Variants in CD99L2 observed in about 807,000 individuals in gnomAD.
CD99L2 encodes the protein CD99 molecule like 2.
In CD99L2, 24 loss-of-function variants were observed where a neutral mutation model predicts 27.3. The ratio of observed to expected loss-of-function variants is 0.88; its 90% CI spans 0.64 to 1.24. The LOEUF (loss-of-function observed/expected upper bound fraction) is 1.24, where lower values mean the gene tolerates loss of function less well. Among genes scored for constraint, CD99L2 ranks in the 50% most tolerant of loss-of-function variants. The pLI is 0.00. For synonymous variants in CD99L2, 97 were observed against 87.9 expected (o/e 1.10, Z -0.58); for missense variants, 255 against 221.6 (o/e 1.15, Z -0.96).
chrX:150,783,311 A>C (rs371716113), intron 7 of CD99L2, among the ~76,000 whole-genome samples: 122 of 111,139 alleles, frequency 1.1e-3, no homozygotes, highest in South Asian at 3.1e-3. Flanking sequence ...CTCTCTCTCT[A>C]TATATATAAA....
At chrX:150,880,072 A>G (rs1768466776) in intron 1 of CD99L2, among the ~76,000 whole-genome samples, 1 of 111,981 alleles carries the variant, frequency 8.9e-6, no homozygotes, top group Admixed American at 9.5e-5. Flanking sequence ...AGTGTTGGCA[A>G]GGACATAGAG....
chrX:150,833,927 T>A (rs2046485329), intron 1 of CD99L2, among the ~76,000 whole-genome samples: 1 of 109,846 alleles, frequency 9.1e-6, no homozygotes, highest in Admixed American at 9.8e-5. Flanking sequence ...AGTAGACAAA[T>A]GAGACTGAAT....
chrX:150,776,862 T>C (rs2043564750), intron 8 of CD99L2: 1 of 118,687 alleles, frequency 8.4e-6, no homozygotes, highest in South Asian at 3.4e-4. Flanking sequence ...GGGGCACAGC[T>C]GATTTTATAC....
At chrX:150,800,805 G>T (rs1048411698) in intron 4 of CD99L2, among the ~76,000 whole-genome samples, 11 of 111,291 alleles carry the variant, frequency 9.9e-5, no homozygotes, top group African/African-American at 3.3e-5. Context: ...GGCCGAGGTG[G>T]GTGGATCACC....
At position 150,816,339 on chromosome X, in the gene CD99L2, G is replaced by A. The variant is rs1367633238; in HGVS notation, c.131-261C>T. 1.7e-5 allele frequency: 6 copies of A among 358,921 alleles called. No homozygotes were observed. In the East Asian group the frequency reaches 2.5e-4, roughly 15 times the overall value. 29.6% of individuals were successfully genotyped at this position (358,921 alleles called of 1,213,427 possible). ...GGTCTCACATGTGACCTGGTGATTA[G>A]TGAACCTGGGCTTGCACCCAGATCT... On this transcript the variant is annotated intron_variant, in intron 2 of 10. Transcript: ENST00000370377.
chrX:150,837,868 T>A (rs2046557707), intron 1 of CD99L2, among the ~76,000 whole-genome samples: 1 of 112,224 alleles, frequency 8.9e-6, no homozygotes, highest in South Asian at 3.7e-4. Context: ...TGAAGCACAA[T>A]TCACCACTCC....
At chrX:150,793,599 C>G in intron 7 of CD99L2, 92 bp downstream of exon 7, 3 of 763,671 alleles carry the variant, frequency 3.9e-6, no homozygotes, top group East Asian at 6.9e-5. Context: ...GGAACTACCA[C>G]TCATTTCCCA....
chrX:150,839,994 T>C (rs1300813036), intron 1 of CD99L2, among the ~76,000 whole-genome samples: 2 of 109,940 alleles, frequency 1.8e-5, no homozygotes, highest in Non-Finnish European at 3.8e-5. Flanking sequence ...GCTATGATCA[T>C]ACTACTGCAC....
At chrX:150,771,611 G>A (rs782251554) in intron 9 of CD99L2, among the ~76,000 whole-genome samples, 1 of 112,277 alleles carries the variant, frequency 8.9e-6, no homozygotes, top group East Asian at 2.8e-4. Flanking sequence ...CCAGCCTGGG[G>A]ACAGAGTGTC....
Position 150,768,043 on chromosome X carries a change from C to G in CD99L2, c.*991G>C, listed in dbSNP as rs1490837821. 1 of 112,169 alleles carries G rather than the reference C, an allele frequency of 8.9e-6. No individual in the cohort carries two copies. The highest frequency in any genetic ancestry group is 3.2e-5 in the African/African-American group (1 of 30,830). 9.2% of individuals were successfully genotyped at this position (112,169 alleles called of 1,213,427 possible). A position where few individuals can be genotyped will look rare whatever the true frequency, so the allele number is the denominator to read the frequency against. ...GCTGACCACAGAGCTACAAAGTCACCTGCGTTTCACTAAACCAAGCGAATG... is the reference window on the plus strand; with the variant it reads ...GCTGACCACAGAGCTACAAAGTCACGTGCGTTTCACTAAACCAAGCGAATG... On this transcript the variant is annotated 3_prime_UTR_variant, in exon 11 of 11. Transcript: ENST00000370377.
chrX:150,819,038 G>A, intron 2 of CD99L2: 1 of 312,286 alleles, frequency 3.2e-6, no homozygotes, highest in South Asian at 3.3e-5. Context: ...ACAAGTCCTG[G>A]CATCTTGCCC....
intron 8 of CD99L2, among the ~76,000 whole-genome samples, chrX:150,776,506 G>A (rs2043556586): frequency 8.9e-6 from 1 of 111,885 alleles, no homozygotes; most frequent in Non-Finnish European, 1.9e-5. Flanking sequence ...TTCTGTAAGG[G>A]CTTCACTTTT....
At chrX:150,851,845 A>G (rs372709196) in intron 1 of CD99L2, among the ~76,000 whole-genome samples, 2 of 111,945 alleles carry the variant, frequency 1.8e-5, no homozygotes, top group East Asian at 2.8e-4. Context: ...CCCTTTGATC[A>G]CATTGGGCCC....
At chrX:150,773,042 A>G (rs1465028959) in intron 9 of CD99L2, among the ~76,000 whole-genome samples, 3 of 112,658 alleles carry the variant, frequency 2.7e-5, no homozygotes, top group African/African-American at 9.7e-5. Flanking sequence ...TTTTCCTTTC[A>G]TTTTAATGTC....
chrX:150,838,678 T>TAA (rs5904288), intron 1 of CD99L2, among the ~76,000 whole-genome samples: 4 of 86,243 alleles, frequency 4.6e-5, no homozygotes, highest in Admixed American at 1.3e-4. Flanking sequence ...CACCAGAGGT[T>TAA]AAAAAAAAAA....
intron 7 of CD99L2, among the ~76,000 whole-genome samples, chrX:150,778,685 A>AAATAT (rs1226462410): frequency 2.5e-5 from 2 of 81,535 alleles, no homozygotes; most frequent in African/African-American, 9.8e-5. Flanking sequence ...AAAAAAAAAA[A>AAATAT]ATATATATAT....
chrX:150,850,108 AAAC>A (rs1179036656), intron 1 of CD99L2, among the ~76,000 whole-genome samples: 1 of 111,901 alleles, frequency 8.9e-6, no homozygotes. Context: ...AAGCCAATTA[AAAC>A]AACAAAACAA....
intron 1 of CD99L2, among the ~76,000 whole-genome samples, chrX:150,873,108 C>G: frequency 8.9e-6 from 1 of 112,432 alleles, no homozygotes; most frequent in Non-Finnish European, 1.9e-5. Flanking sequence ...TGAACAGGTG[C>G]CCAGCTCTCA....
At chrX:150,892,307 GA>G (rs1383925443) in intron 1 of CD99L2, among the ~76,000 whole-genome samples, 1 of 109,866 alleles carries the variant, frequency 9.1e-6, no homozygotes, top group African/African-American at 3.3e-5. Flanking sequence ...ACCAGGTGGG[GA>G]AAAGAACAGA....
Sources: allele counts gnomAD v4.1 joint callset (sites outside exome capture counted in the v4.1 genomes callset), GRCh38; gene constraint gnomAD v4.1.1; transcripts MANE v1.5; gene names NCBI Gene and HGNC (gene_info 2026-07-23, HGNC 2026-07-21).